Variants in PIGA observed in about 807,000 individuals in gnomAD.
PIGA encodes the protein phosphatidylinositol N-acetylglucosaminyltransferase subunit A.
PIGA carries 3 observed loss-of-function variants against 17.1 expected under a neutral mutation model. The observed-to-expected ratio is 0.18, with a 90% confidence interval of 0.08 to 0.45. The LOEUF (loss-of-function observed/expected upper bound fraction) is 0.45, where lower values mean the gene tolerates loss of function less well. Ranked by LOEUF, PIGA falls within the 20% of genes least tolerant of loss-of-function variation. PIGA has a pLI of 0.99. For missense variants in PIGA, 231 were observed against 374.1 expected (o/e 0.62, Z 3.16); for synonymous variants, 126 against 135.1 (o/e 0.93, Z 0.47).
At position 15,320,724 on chromosome X, in the gene PIGA, TAGG is replaced by T; in HGVS notation, c.*779_*781del. The T allele has an allele frequency of 8.9e-6, 1 of 112,375 alleles. No individual in the cohort carries two copies. Among genetic ancestry groups the T allele is most frequent in the Non-Finnish European group, 1.9e-5 (1 of 53,298 alleles). The allele number at this position is 112,375 out of a possible 1,213,427, so 9.3% of individuals were successfully genotyped here. On this transcript the variant is annotated 3_prime_UTR_variant, in exon 6 of 6. Transcript: ENST00000333590. ...CACAACTGAAGATGGAGGCTCTACCTAGGAGAATGCATACAACAGGAACAAAGT... is the reference window on the plus strand; with the variant it reads ...CACAACTGAAGATGGAGGCTCTACCTAGAATGCATACAACAGGAACAAAGT...
rs188912075 is a variant in PIGA, at chrX:15,333,171, G to A, written c.-62-1179C>T. On this transcript the variant is annotated intron_variant, in intron 1 of 5. Coordinates refer to ENST00000333590, the MANE Select transcript of PIGA (RefSeq NM_002641.4). ...CAACAGAGACCATATGACCCACAGA[G>A]CTGAAAATATTTACCATCTGGTCCT... Among the ~76,000 whole-genome samples, 163 of 111,836 alleles carry A rather than the reference G, an allele frequency of 1.5e-3. 1 individual carries two copies. Among genetic ancestry groups the A allele is most frequent in the Non-Finnish European group, 2.3e-3 (123 of 53,192 alleles).
At chrX:15,333,567 G>A (rs1922231508) in intron 1 of PIGA, among the ~76,000 whole-genome samples, 1 of 111,911 alleles carries the variant, frequency 8.9e-6, no homozygotes, top group South Asian at 3.8e-4. Context: ...TGTGGTCCTA[G>A]CTACTCGGGA....
chrX:15,323,656 T>C (rs1276153461), intron 5 of PIGA, among the ~76,000 whole-genome samples: 1 of 112,249 alleles, frequency 8.9e-6, no homozygotes, highest in Non-Finnish European at 1.9e-5. Context: ...TTTTTAGAGA[T>C]AAGTTTTTAG....
chrX:15,319,990 A>C lies in PIGA; in HGVS notation c.*1516T>G, dbSNP rs1331581352. ...GTTTATATGTGAGTTTCTATGCATA[A>C]AAATCCCAGTAAGACTGAATAGTTT... On this transcript the variant is annotated 3_prime_UTR_variant, in exon 6 of 6. Coordinates refer to ENST00000333590, the MANE Select transcript of PIGA (RefSeq NM_002641.4). 8.9e-6 allele frequency: 1 copy of C among 112,384 alleles called. No homozygotes were observed. Among genetic ancestry groups the C allele is most frequent in the Admixed American group, 9.4e-5 (1 of 10,620 alleles). The allele number at this position is 112,384 out of a possible 1,213,427, so 9.3% of individuals were successfully genotyped here.
At chrX:15,329,977 T>C (rs752168392) in intron 2 of PIGA, among the ~76,000 whole-genome samples, 264 of 109,998 alleles carry the variant, frequency 2.4e-3, no homozygotes, top group African/African-American at 8.5e-3. Context: ...CCCAGCTACT[T>C]GGGAGGCTGA....
chrX:15,330,038 T>C (rs754764979), intron 2 of PIGA, among the ~76,000 whole-genome samples: 8 of 109,190 alleles, frequency 7.3e-5, no homozygotes, highest in Non-Finnish European at 1.1e-4. Context: ...TGAGCTGAGA[T>C]CACGTCACTG....
chrX:15,323,223 G>C (rs1215670591), intron 5 of PIGA, among the ~76,000 whole-genome samples: 2 of 111,732 alleles, frequency 1.8e-5, no homozygotes, highest in African/African-American at 6.5e-5. Flanking sequence ...ATTACCTACA[G>C]TGGCTCAGGC....
chrX:15,333,683 A>AAAAAC (rs1218795684), intron 1 of PIGA, among the ~76,000 whole-genome samples: 2 of 112,191 alleles, frequency 1.8e-5, no homozygotes, highest in Middle Eastern at 4.6e-3. Flanking sequence ...TCCATCTCAA[A>AAAAAC]AAAACAAAAC....
chrX:15,320,431 A>C lies in PIGA; in HGVS notation c.*1075T>G, dbSNP rs968942309. Reference sequence around the variant, plus strand: ...TCTAAAATTTTCAACTTAGTTTGCTATAAATAAACCATTCTGAAGTAAAGC... The same window carrying C: ...TCTAAAATTTTCAACTTAGTTTGCTCTAAATAAACCATTCTGAAGTAAAGC... On this transcript the variant is annotated 3_prime_UTR_variant, in exon 6 of 6. Coordinates refer to ENST00000333590, the MANE Select transcript of PIGA (RefSeq NM_002641.4). 1 of 112,515 alleles carries C rather than the reference A, an allele frequency of 8.9e-6. No individual in the cohort carries two copies. The highest frequency in any genetic ancestry group is 1.9e-5 in the Non-Finnish European group (1 of 53,345). The allele number at this position is 112,515 out of a possible 1,213,427, so 9.3% of individuals were successfully genotyped here.
rs1208287177 is a variant in PIGA at position 15,331,508 on chromosome X, G to A, written c.423C>T (p.His141=). The A allele has an allele frequency of 2.5e-6, 3 of 1,210,344 alleles. No individual in the cohort carries two copies. Among genetic ancestry groups the A allele is most frequent in the East Asian group, 3.0e-5 (1 of 33,807 alleles). ...CTGTCTGAAGCCCCATTGTCTTGGCGTGGAAGAGAGCATCATGGGCCATAG... is the reference window on the plus strand; with the variant it reads ...CTGTCTGAAGCCCCATTGTCTTGGCATGGAAGAGAGCATCATGGGCCATAG... The part of the protein sequence containing the change: ...FSAMAHDALF[H]AKTMGLQTVF... The change falls in exon 2 of 6, where the codon CAC becomes CAT. Residue 141 remains histidine (H), a synonymous_variant. Transcript: ENST00000333590.
chrX:15,321,382 T>C lies in PIGA; in HGVS notation c.*124A>G, dbSNP rs1166459494. On this transcript the variant is annotated 3_prime_UTR_variant, in exon 6 of 6. Coordinates refer to ENST00000333590, the MANE Select transcript of PIGA (RefSeq NM_002641.4). ...CCTCAACAGAAAATATTGAATGATA[T>C]AGAGGTAGCATAACTTACTAAATTA... The C allele has an allele frequency of 2.5e-5, 13 of 526,669 alleles. No individual in the cohort carries two copies. Among genetic ancestry groups the C allele is most frequent in the African/African-American group, 2.4e-4 (10 of 42,404 alleles). 43.4% of individuals were successfully genotyped at this position (526,669 alleles called of 1,213,427 possible). A position where few individuals can be genotyped will look rare whatever the true frequency, so the allele number is the denominator to read the frequency against.
At chrX:15,335,250 T>C (rs941715701) in intron 1 of PIGA, 4 of 294,966 alleles carry the variant, frequency 1.4e-5, no homozygotes, top group African/African-American at 8.2e-5. Context: ...AGAGTGGACG[T>C]TGGTCTCAGG....
In PIGA at chrX:15,320,342, T is replaced by TA. The variant is rs778929951; in HGVS notation, c.*1163dup. 1 of 112,284 alleles carries TA rather than the reference T, an allele frequency of 8.9e-6. No individual in the cohort carries two copies. The highest frequency in any genetic ancestry group is 9.4e-5 in the Admixed American group (1 of 10,603). The allele number at this position is 112,284 out of a possible 1,213,427, so 9.3% of individuals were successfully genotyped here. A position where few individuals can be genotyped will look rare whatever the true frequency, so the allele number is the denominator to read the frequency against. ...ACACACCATGTGGATAATTTGGGGT[T>TA]AAAAAACCCATGGCTCTGGGCAACA... is the stretch of plus-strand genomic sequence containing the variant. On this transcript the variant is annotated 3_prime_UTR_variant, in exon 6 of 6. Transcript: ENST00000333590.
Position 15,321,722 on chromosome X carries a change from C to T in PIGA, c.1239G>A (p.Leu413=). The T allele has an allele frequency of 8.3e-7, 1 of 1,209,720 alleles. No homozygotes were observed. The highest frequency in any genetic ancestry group is 1.1e-6 in the Non-Finnish European group (1 of 893,678). Reference sequence around the variant, plus strand: ...GGCCGCAGTGAGAAATAAGTCTGTCCAGTCGTTTGTCCATTGGCAACACAG... The same window carrying T: ...GGCCGCAGTGAGAAATAAGTCTGTCTAGTCGTTTGTCCATTGGCAACACAG... The part of the protein sequence containing the change: ...VEAVLPMDKR[L]DRLISHCGPV... The change falls in exon 6 of 6, where the codon CTG becomes CTA. Residue 413 remains leucine, a synonymous_variant. Transcript: ENST00000333590.
chrX:15,321,291 C>T lies in PIGA; in HGVS notation c.*215G>A, dbSNP rs1195983100. ...TGCATACCTGAGTGGCTTAAATGTT[C>T]TCTCCTAAATTTTAAATAAGTGCAA... On this transcript the variant is annotated 3_prime_UTR_variant, in exon 6 of 6. Coordinates refer to ENST00000333590, the MANE Select transcript of PIGA (RefSeq NM_002641.4). The T allele has an allele frequency of 8.7e-6, 3 of 343,241 alleles. No individual in the cohort carries two copies. Among genetic ancestry groups the T allele is most frequent in the African/African-American group, 7.8e-5 (3 of 38,470 alleles). 28.3% of individuals were successfully genotyped at this position (343,241 alleles called of 1,213,427 possible).
At chrX:15,330,141 G>T (rs1922111445) in intron 2 of PIGA, among the ~76,000 whole-genome samples, 1 of 111,130 alleles carries the variant, frequency 9.0e-6, no homozygotes, top group Non-Finnish European at 1.9e-5. Context: ...TACAAACTAG[G>T]CTAATAGTTT....
intron 1 of PIGA, among the ~76,000 whole-genome samples, chrX:15,333,049 G>A (rs1450450077): frequency 1.8e-5 from 2 of 111,927 alleles, no homozygotes; most frequent in African/African-American, 6.5e-5. Context: ...CGGTTATACT[G>A]GTCCACTGCC....
At chrX:15,334,832 T>A (rs997671950) in intron 1 of PIGA, among the ~76,000 whole-genome samples, 1 of 112,396 alleles carries the variant, frequency 8.9e-6, no homozygotes, top group African/African-American at 3.2e-5. Flanking sequence ...AATCGCAGAA[T>A]CTTAGCTCTT....
rs1441286284 is a variant in PIGA at position 15,320,037 on chromosome X, C to T, written c.*1469G>A. The T allele has an allele frequency of 8.9e-6, 1 of 112,408 alleles. No individual in the cohort carries two copies. The highest frequency in any genetic ancestry group is 1.9e-5 in the Non-Finnish European group (1 of 53,270). The allele number at this position is 112,408 out of a possible 1,213,427, so 9.3% of individuals were successfully genotyped here. On this transcript the variant is annotated 3_prime_UTR_variant, in exon 6 of 6. Coordinates refer to ENST00000333590, the MANE Select transcript of PIGA (RefSeq NM_002641.4). ...GTTTAAAGATCAGTCCATTTTTCTC[C>T]AACAAAACCCCTAACTTCTAGATTT...
Sources: gnomAD v4.1 joint callset for allele counts (sites outside exome capture counted in the v4.1 genomes callset) on GRCh38, gnomAD v4.1.1 for gene constraint, MANE v1.5 for transcripts, NCBI Gene and HGNC (gene_info 2026-07-23, HGNC 2026-07-21) for gene names.